Variants in RARB observed in about 807,000 individuals in gnomAD.
RARB encodes HBV-activated protein.
RARB carries 17 observed loss-of-function variants against 51.9 expected under a neutral mutation model. The observed-to-expected ratio is 0.33, with a 90% confidence interval of 0.22 to 0.49. The LOEUF (loss-of-function observed/expected upper bound fraction) is 0.49, where lower values mean the gene tolerates loss of function less well. Among genes scored for constraint, RARB ranks in the 20% least tolerant of loss-of-function variants. The probability of loss-of-function intolerance (pLI) is 0.99; values close to 1 mark genes in which losing one functional copy is unlikely to be tolerated. For synonymous variants in RARB, 215 were observed against 195.4 expected, an observed-to-expected ratio of 1.10 and a Z score of -0.84; for missense variants, 369 against 550.8, an observed-to-expected ratio of 0.67 and a Z score of 3.30.
At chr3:25,051,333 G>A (rs1183962063) in intron 2 of RARB, among the ~76,000 whole-genome samples, 7 of 152,128 alleles carry the variant, frequency 4.6e-5, no homozygotes, top group Middle Eastern at 3.4e-3. Flanking sequence ...TGTTTCCAGC[G>A]TTAAGATAGG....
intron 5 of RARB, among the ~76,000 whole-genome samples, chr3:25,338,296 A>G (rs1305604367): frequency 1.3e-5 from 2 of 152,162 alleles, no homozygotes; most frequent in East Asian, 1.9e-4. Context: ...TAGAGGCTGT[A>G]TTTACAAAAG....
intron 5 of RARB, among the ~76,000 whole-genome samples, chr3:25,350,897 C>T (rs377646381): frequency 5.3e-5 from 8 of 152,184 alleles, no homozygotes; most frequent in African/African-American, 1.7e-4. Context: ...TGCCAGTTCC[C>T]ATGGTGTCAT....
chr3:25,307,965 C>T (rs1704193177), intron 5 of RARB, among the ~76,000 whole-genome samples: 2 of 152,160 alleles, frequency 1.3e-5, no homozygotes, highest in South Asian at 4.1e-4. Context: ...GACCATATGG[C>T]CAGCAAAGCC....
rs551059070 is a variant in RARB, at chr3:25,092,009, T to C, written c.-328+31833T>C. On this transcript the variant is annotated intron_variant, in intron 3 of 11. Transcript: ENST00000383772. ...AGAAACCAGTTGCAGCACAATGTTCTTTTATGGACTTGTAGTATTTGGATA... is the reference window on the plus strand; with the variant it reads ...AGAAACCAGTTGCAGCACAATGTTCCTTTATGGACTTGTAGTATTTGGATA... Among the ~76,000 whole-genome samples the C allele has an allele frequency of 2.6e-5, 4 of 152,270 alleles. No individual in the cohort carries two copies. The South Asian group carries it at 8.3e-4, about 32-fold the overall frequency.
chr3:25,152,790 C>A (rs908846056), intron 4 of RARB, among the ~76,000 whole-genome samples: 16 of 152,116 alleles, frequency 1.1e-4, no homozygotes, highest in Admixed American at 6.5e-4. Context: ...GTATTAAAAT[C>A]ATTTAAGATG....
chr3:25,350,473 T>G (rs773447529), intron 5 of RARB, among the ~76,000 whole-genome samples: 5 of 152,282 alleles, frequency 3.3e-5, no homozygotes, highest in Non-Finnish European at 7.4e-5. Context: ...TGAATAGGCA[T>G]CTCTATTAAC....
intron 5 of RARB, among the ~76,000 whole-genome samples, chr3:25,290,896 T>G (rs77473806): frequency 0.039 from 5,893 of 152,314 alleles, 158 homozygotes; most frequent in Middle Eastern, 0.071. Flanking sequence ...GTTTTCCTTG[T>G]GAATTATAAG....
At chr3:25,463,038 GA>G (rs1695257864) in intron 2 of RARB, among the ~76,000 whole-genome samples, 1 of 152,108 alleles carries the variant, frequency 6.6e-6, no homozygotes, top group Non-Finnish European at 1.5e-5. Context: ...CTGTCAACTT[GA>G]AAAAGCTTTT....
intron 1 of RARB, among the ~76,000 whole-genome samples, chr3:25,443,537 C>A (rs764568948): frequency 6.6e-6 from 1 of 151,616 alleles, no homozygotes; most frequent in Non-Finnish European, 1.5e-5. Flanking sequence ...GCTTAAAACC[C>A]GGGAGGCGGA....
At chr3:24,875,719 T>C (rs1448786177) in intron 2 of RARB, among the ~76,000 whole-genome samples, 1 of 152,082 alleles carries the variant, frequency 6.6e-6, no homozygotes, top group Non-Finnish European at 1.5e-5. Flanking sequence ...CATAATACAA[T>C]GATCAAAATC....
At chr3:25,247,574 G>A (rs1702595537) in intron 5 of RARB, among the ~76,000 whole-genome samples, 2 of 152,134 alleles carry the variant, frequency 1.3e-5, no homozygotes. Flanking sequence ...TCGAGGGGAG[G>A]GAGTTCCCTC....
chr3:25,018,541 T>C (rs144333423), intron 2 of RARB, among the ~76,000 whole-genome samples: 79 of 152,326 alleles, frequency 5.2e-4, no homozygotes, highest in Non-Finnish European at 9.3e-4. Context: ...TTTCTCTCTT[T>C]GAAGGCTGTC....
chr3:25,328,553 G>A (rs1011160152), intron 5 of RARB, among the ~76,000 whole-genome samples: 3 of 152,076 alleles, frequency 2.0e-5, no homozygotes, highest in African/African-American at 7.2e-5. Flanking sequence ...GTGAAATAAG[G>A]GGGAGGTTCC....
chr3:24,908,553 C>T (rs906208360), intron 2 of RARB, among the ~76,000 whole-genome samples: 1 of 151,046 alleles, frequency 6.6e-6, no homozygotes, highest in Admixed American at 6.6e-5. Context: ...TTTGGAAATG[C>T]TTTCTTGAAG....
chr3:25,082,758 T>A (rs1699032340), intron 3 of RARB, among the ~76,000 whole-genome samples: 1 of 152,108 alleles, frequency 6.6e-6, no homozygotes, highest in South Asian at 2.1e-4. Flanking sequence ...CTTCTGACAG[T>A]ATTTTACTTC....
At chr3:25,072,043 T>A (rs1482232941) in intron 3 of RARB, among the ~76,000 whole-genome samples, 1 of 152,238 alleles carries the variant, frequency 6.6e-6, no homozygotes, top group Non-Finnish European at 1.5e-5. Flanking sequence ...GTCTTTGCCC[T>A]GTGGCGGTTC....
intron 4 of RARB, among the ~76,000 whole-genome samples, chr3:25,146,266 G>T (rs1700187644): frequency 6.6e-6 from 1 of 152,128 alleles, no homozygotes; most frequent in Non-Finnish European, 1.5e-5. Context: ...TGTTCAATTA[G>T]TTCAGAAGTT....
chr3:25,477,241 G>A (rs534845406), intron 2 of RARB, among the ~76,000 whole-genome samples: 2 of 152,284 alleles, frequency 1.3e-5, no homozygotes, highest in Admixed American at 6.5e-5. Flanking sequence ...GGTATGCAGA[G>A]GTGCCTGCCC....
intron 5 of RARB, among the ~76,000 whole-genome samples, chr3:25,274,073 G>T (rs781118964): frequency 1.3e-5 from 2 of 152,070 alleles, no homozygotes; most frequent in Non-Finnish European, 2.9e-5. Context: ...CCTAGTAGAT[G>T]TATCCTCTGA....
Sources: allele counts gnomAD v4.1 joint callset (sites outside exome capture counted in the v4.1 genomes callset), GRCh38; gene constraint gnomAD v4.1.1; transcripts MANE v1.5; gene names NCBI Gene and HGNC (gene_info 2026-07-23, HGNC 2026-07-21).